ANTXR1: variants seen among roughly 807,000 people sequenced by gnomAD.
The protein encoded by ANTXR1 is anthrax toxin receptor 1.
Under a neutral mutation model 78.1 loss-of-function variants are expected in ANTXR1, and 19 were observed. The ratio of observed to expected loss-of-function variants is 0.24; its 90% CI spans 0.17 to 0.36. The LOEUF (loss-of-function observed/expected upper bound fraction) is 0.36, where lower values mean the gene tolerates loss of function less well. ANTXR1 is among the 10% of genes least tolerant of loss of function. The probability of loss-of-function intolerance (pLI) is 1.00; values close to 1 mark genes in which losing one functional copy is unlikely to be tolerated. For synonymous variants in ANTXR1, 273 were observed against 260.5 expected (o/e 1.05, Z -0.46); for missense variants, 518 against 718.6 (o/e 0.72, Z 3.19).
intron 8 of ANTXR1, among the ~76,000 whole-genome samples, chr2:69,083,176 C>T (rs962727668): frequency 6.6e-6 from 1 of 152,186 alleles, no homozygotes; most frequent in Non-Finnish European, 1.5e-5. Context: ...GGCTTGCCTC[C>T]CAGCTACTCT....
intron 17 of ANTXR1, among the ~76,000 whole-genome samples, chr2:69,219,384 GACACACAC>G (rs377200577): frequency 0.017 from 2,199 of 132,306 alleles, 47 homozygotes; most frequent in Middle Eastern, 0.049. Flanking sequence ...CCAGAAGGAG[GACACACAC>G]ACACACACAC....
chr2:69,146,092 C>A (rs1673219421), intron 12 of ANTXR1: 1 of 985,296 alleles, frequency 1.0e-6, no homozygotes, highest in Admixed American at 6.2e-5. Flanking sequence ...ATGACACATG[C>A]CCGAATGAAG....
At chr2:69,109,977 A>G (rs1671928396) in intron 10 of ANTXR1, among the ~76,000 whole-genome samples, 1 of 152,256 alleles carries the variant, frequency 6.6e-6, no homozygotes, top group Non-Finnish European at 1.5e-5. Flanking sequence ...GGTTAAAAAA[A>G]GGTGAATATA....
At chr2:69,071,139 C>A (rs1479703758) in intron 4 of ANTXR1, among the ~76,000 whole-genome samples, 1 of 151,982 alleles carries the variant, frequency 6.6e-6, no homozygotes, top group African/African-American at 2.4e-5. Context: ...TGTCACTTAA[C>A]AAGTACTAGG....
rs1179995183 is a variant in ANTXR1 at position 69,204,190 on chromosome 2, A to C, written c.1434+10775A>C. On this transcript the variant is annotated intron_variant, in intron 17 of 17. Coordinates refer to ENST00000303714, the MANE Select transcript of ANTXR1 (RefSeq NM_032208.3). Reference sequence around the variant, plus strand: ...ATCTCCGTGATGGGCCTCAATTAAGAATCATCAGAATCCATGCTGGTGGGA... The same window carrying C: ...ATCTCCGTGATGGGCCTCAATTAAGCATCATCAGAATCCATGCTGGTGGGA... Among the ~76,000 whole-genome samples the C allele has an allele frequency of 2.0e-5, 3 of 152,196 alleles. No homozygotes were observed. The East Asian group carries it at 5.8e-4, about 29-fold the overall frequency.
At chr2:69,177,493 A>G (rs1041570208) in intron 14 of ANTXR1, among the ~76,000 whole-genome samples, 3 of 152,184 alleles carry the variant, frequency 2.0e-5, no homozygotes, top group African/African-American at 7.2e-5. Flanking sequence ...AGGGGCCTCT[A>G]CCATCTGAGG....
intron 13 of ANTXR1, among the ~76,000 whole-genome samples, chr2:69,158,221 A>G (rs1472545697): frequency 6.6e-6 from 1 of 152,198 alleles, no homozygotes; most frequent in Non-Finnish European, 1.5e-5. Flanking sequence ...TGGAGGACCA[A>G]CTGTGGGCAC....
Position 69,093,051 on chromosome 2 carries a change from T to C in ANTXR1, c.703+2132T>C, listed in dbSNP as rs550475745. On this transcript the variant is annotated intron_variant, in intron 9 of 17. Coordinates refer to ENST00000303714, the MANE Select transcript of ANTXR1 (RefSeq NM_032208.3). ...AATGAATCAGAAAGTCTAAAGACAA[T>C]GAACACAATTTCTGTTAATTCACTA... 1.2e-3 allele frequency among the ~76,000 whole-genome samples: 182 copies of C among 152,350 alleles called. 1 individual carries two copies. Among genetic ancestry groups the C allele is most frequent in the South Asian group, 4.8e-3 (23 of 4,830 alleles).
chr2:69,167,122 G>C (rs1195539543), intron 13 of ANTXR1, among the ~76,000 whole-genome samples: 1 of 152,190 alleles, frequency 6.6e-6, no homozygotes, highest in Non-Finnish European at 1.5e-5. Flanking sequence ...GGAACAAGAA[G>C]GTGCCCAGGA....
chr2:69,245,134 C>T (rs1675984698), intron 17 of ANTXR1, 91 bp from the exon 18 acceptor site: 20 of 1,492,352 alleles, frequency 1.3e-5, no homozygotes, highest in Non-Finnish European at 1.6e-5. Context: ...GCCAGCTTTC[C>T]ACATATTGCT....
rs770481371 is a variant in ANTXR1, at chr2:69,044,818, G to A, written c.296+5G>A. 6.2e-7 allele frequency: 1 copy of A among 1,613,538 alleles called. No homozygotes were observed. The highest frequency in any genetic ancestry group is 1.1e-5 in the South Asian group (1 of 91,082). On this transcript the variant is annotated splice_donor_5th_base_variant and intron_variant, in intron 3 of 17. Coordinates refer to ENST00000303714, the MANE Select transcript of ANTXR1 (RefSeq NM_032208.3). ...AATGAAACTGACAGAAGACAGGTAAGGATACTTCTTATCTCTGTTGTTAAA... is the reference window on the plus strand; with the variant it reads ...AATGAAACTGACAGAAGACAGGTAAAGATACTTCTTATCTCTGTTGTTAAA...
At chr2:69,177,376 G>A (rs540508394) in intron 14 of ANTXR1, among the ~76,000 whole-genome samples, 1 of 152,314 alleles carries the variant, frequency 6.6e-6, no homozygotes, top group Admixed American at 6.5e-5. Context: ...TCCAATTACA[G>A]GCTAACCAAG....
chr2:69,220,354 G>C (rs1675289082), intron 17 of ANTXR1, among the ~76,000 whole-genome samples: 1 of 152,166 alleles, frequency 6.6e-6, no homozygotes, highest in Non-Finnish European at 1.5e-5. Flanking sequence ...AACCGTTGCA[G>C]TTGTAGTATC....
At chr2:69,216,051 G>A (rs1243119307) in intron 17 of ANTXR1, among the ~76,000 whole-genome samples, 1 of 152,226 alleles carries the variant, frequency 6.6e-6, no homozygotes, top group Non-Finnish European at 1.5e-5. Context: ...AGAGGTGGGA[G>A]CTCTTTTAGA....
intron 8 of ANTXR1, among the ~76,000 whole-genome samples, chr2:69,083,301 C>A (rs1320887697): frequency 6.6e-6 from 1 of 152,196 alleles, no homozygotes; most frequent in African/African-American, 2.4e-5. Context: ...CCAGGGCTAG[C>A]AGATGGGGAG....
chr2:69,241,718 G>C (rs899508272), intron 17 of ANTXR1, among the ~76,000 whole-genome samples: 3 of 152,142 alleles, frequency 2.0e-5, no homozygotes, highest in African/African-American at 7.2e-5. Flanking sequence ...TCACTCAGAA[G>C]ACACTAAACT....
At chr2:69,145,484 C>T (rs970362069) in intron 12 of ANTXR1, 40 of 1,510,150 alleles carry the variant, frequency 2.6e-5, no homozygotes, top group Non-Finnish European at 2.3e-5. Flanking sequence ...GAGTGGAGGG[C>T]AGAGACAGGC....
intron 17 of ANTXR1, 40 bp from the exon 18 acceptor site, chr2:69,245,185 G>A (rs1411946740): frequency 3.4e-5 from 55 of 1,613,316 alleles, no homozygotes; most frequent in Non-Finnish European, 4.7e-5. Flanking sequence ...CTGATGTGAG[G>A]CCGTCCGCTC....
At chr2:69,022,771 C>G (rs1451441987) in intron 1 of ANTXR1, among the ~76,000 whole-genome samples, 4 of 152,182 alleles carry the variant, frequency 2.6e-5, no homozygotes, top group African/African-American at 9.7e-5. Flanking sequence ...TGGTTATGGC[C>G]TTATGATGAG....
Sources: allele counts gnomAD v4.1 joint callset (sites outside exome capture counted in the v4.1 genomes callset), GRCh38; gene constraint gnomAD v4.1.1; transcripts MANE v1.5; gene names NCBI Gene and HGNC (gene_info 2026-07-23, HGNC 2026-07-21).